TCERG1L: variants seen among roughly 807,000 people sequenced by gnomAD.
TCERG1L encodes the protein transcription elongation regulator 1 like, also known as transcription elongation regulator 1-like protein.
TCERG1L carries 37 observed loss-of-function variants against 56.3 expected under a neutral mutation model. That is an observed-to-expected ratio of 0.66 (90% CI 0.51 to 0.87). The LOEUF (loss-of-function observed/expected upper bound fraction) is 0.87. Among genes scored for constraint, TCERG1L ranks in the 40% least tolerant of loss-of-function variants. TCERG1L has a pLI of 0.00. For synonymous variants in TCERG1L, 324 were observed against 326.3 expected (o/e 0.99, Z 0.08); for missense variants, 799 against 774.2 (o/e 1.03, Z -0.38).
In TCERG1L at chr10:131,240,882, G is replaced by A. The variant is rs73398425; in HGVS notation, c.856+19377C>T. On this transcript the variant is annotated intron_variant, in intron 4 of 11. Coordinates refer to ENST00000368642, the MANE Select transcript of TCERG1L (RefSeq NM_174937.4). ...AGATAGGAGAGGTGGAGAAACCGGC[G>A]TGCAGGTCCCCTGCGAGGGGCTGCA... 5.0e-3 allele frequency among the ~76,000 whole-genome samples: 758 copies of A among 152,330 alleles called. 6 individuals are homozygous for A. The highest frequency in any genetic ancestry group is 0.018 in the African/African-American group (729 of 41,584).
intron 4 of TCERG1L, among the ~76,000 whole-genome samples, chr10:131,191,426 C>T (rs956163657): frequency 7.0e-6 from 1 of 143,710 alleles, no homozygotes; most frequent in South Asian, 2.1e-4. Flanking sequence ...ATACCCAAAG[C>T]AATCCTAAGC....
intron 2 of TCERG1L, among the ~76,000 whole-genome samples, chr10:131,308,875 A>T (rs1409828735): frequency 6.6e-6 from 1 of 152,230 alleles, no homozygotes; most frequent in African/African-American, 2.4e-5. Flanking sequence ...CAATGGATAC[A>T]AATTTAAAAA....
chr10:131,257,984 TA>T (rs1190996743), intron 4 of TCERG1L, among the ~76,000 whole-genome samples: 1 of 152,260 alleles, frequency 6.6e-6, no homozygotes, highest in Non-Finnish European at 1.5e-5. Context: ...TCAGTTTGAA[TA>T]TAGAGCAAAC....
At chr10:131,170,033 AT>A (rs748583704) in intron 4 of TCERG1L, among the ~76,000 whole-genome samples, 28 of 152,278 alleles carry the variant, frequency 1.8e-4, no homozygotes, top group Middle Eastern at 3.4e-3. Context: ...GTTGATGATC[AT>A]TTTAAAGCCC....
intron 8 of TCERG1L, among the ~76,000 whole-genome samples, chr10:131,133,167 T>A (rs1293642012): frequency 6.6e-6 from 1 of 152,180 alleles, no homozygotes; most frequent in Non-Finnish European, 1.5e-5. Flanking sequence ...CTGGGCCTGC[T>A]AGGTACCCTC....
chr10:131,130,941 A>G, intron 8 of TCERG1L, among the ~76,000 whole-genome samples: 1 of 152,054 alleles, frequency 6.6e-6, no homozygotes. Context: ...CACCATAAAT[A>G]TGGGGTAACT....
intron 6 of TCERG1L, 26 bp from the exon 7 acceptor site, chr10:131,146,686 A>G: frequency 6.3e-7 from 1 of 1,599,164 alleles, no homozygotes; most frequent in Non-Finnish European, 8.5e-7. Context: ...AACTCATCTC[A>G]GTCGCTCTCG....
intron 4 of TCERG1L, among the ~76,000 whole-genome samples, chr10:131,252,684 C>A (rs141652261): frequency 7.9e-5 from 12 of 152,340 alleles, no homozygotes; most frequent in African/African-American, 2.9e-4. Flanking sequence ...ACTCTCCCCA[C>A]TTCTGACAGC....
intron 4 of TCERG1L, among the ~76,000 whole-genome samples, chr10:131,238,092 C>A (rs1485200812): frequency 6.6e-6 from 1 of 152,188 alleles, no homozygotes; most frequent in African/African-American, 2.4e-5. Context: ...GCCCAATTAT[C>A]TTCCACCTCA....
rs946249963 is a variant in TCERG1L at position 131,116,950 on chromosome 10, A to T, written c.1260-16T>A. On this transcript the variant is annotated splice_polypyrimidine_tract_variant and intron_variant, in intron 8 of 11. Coordinates refer to ENST00000368642, the MANE Select transcript of TCERG1L (RefSeq NM_174937.4). ...GCCTTCGGTCCTTCAGGAACACAAG[A>T]CGCAGAGTTAGACACACTCGTGGGG... The T allele has an allele frequency of 6.2e-7, 1 of 1,604,304 alleles. No individual in the cohort carries two copies. The highest frequency in any genetic ancestry group is 8.5e-7 in the Non-Finnish European group (1 of 1,176,038).
At chr10:131,231,721 G>C (rs1476218620) in intron 4 of TCERG1L, among the ~76,000 whole-genome samples, 1 of 152,196 alleles carries the variant, frequency 6.6e-6, no homozygotes, top group African/African-American at 2.4e-5. Flanking sequence ...CCGGCACGTG[G>C]GGGGAAGTCA....
chr10:131,202,644 C>G (rs558504637), intron 4 of TCERG1L, among the ~76,000 whole-genome samples: 3 of 152,240 alleles, frequency 2.0e-5, no homozygotes, highest in South Asian at 2.1e-4. Flanking sequence ...CTTTAAGGTA[C>G]ACTGCTAAGT....
At position 131,092,908 on chromosome 10, in the gene TCERG1L, G is replaced by A. The variant is rs1244784835; in HGVS notation, c.*254C>T. The A allele has an allele frequency of 2.5e-6, 1 of 392,280 alleles. No homozygotes were observed. The highest frequency in any genetic ancestry group is 2.1e-5 in the African/African-American group (1 of 48,668). The allele number at this position is 392,280 out of a possible 1,614,324, so 24.3% of individuals were successfully genotyped here. ...GATTGATAATTTGTGTATATTACAA[G>A]TAATTTGCATAATTAAAACAATTAA... On this transcript the variant is annotated 3_prime_UTR_variant, in exon 12 of 12. Coordinates refer to ENST00000368642, the MANE Select transcript of TCERG1L (RefSeq NM_174937.4).
chr10:131,231,776 G>T (rs994600240), intron 4 of TCERG1L, among the ~76,000 whole-genome samples: 5 of 151,976 alleles, frequency 3.3e-5, no homozygotes, highest in African/African-American at 1.2e-4. Context: ...CTTCCACTTA[G>T]CAAAAAAAAG....
chr10:131,310,608 A>T (rs1291750298), intron 1 of TCERG1L, among the ~76,000 whole-genome samples: 2 of 152,212 alleles, frequency 1.3e-5, no homozygotes, highest in Non-Finnish European at 2.9e-5. Flanking sequence ...TGCACCATTT[A>T]TCAAAGGTTC....
chr10:131,108,967 T>C (rs545053654), intron 9 of TCERG1L, among the ~76,000 whole-genome samples: 1 of 152,178 alleles, frequency 6.6e-6, no homozygotes, highest in East Asian at 1.9e-4. Context: ...TCCCCCTGGC[T>C]AAGGCAGAGT....
At chr10:131,291,483 G>A (rs1846625655) in intron 3 of TCERG1L, among the ~76,000 whole-genome samples, 3 of 122,808 alleles carry the variant, frequency 2.4e-5, no homozygotes, top group Non-Finnish European at 3.2e-5. Context: ...TTGGAGTGCA[G>A]TGGCGTGATC....
chr10:131,263,721 G>C (rs1490953420), intron 3 of TCERG1L, among the ~76,000 whole-genome samples: 1 of 152,222 alleles, frequency 6.6e-6, no homozygotes, highest in Non-Finnish European at 1.5e-5. Flanking sequence ...GGTCCAAACA[G>C]TGTAAGCATG....
intron 11 of TCERG1L, among the ~76,000 whole-genome samples, chr10:131,096,364 A>G (rs1193446667): frequency 1.3e-5 from 2 of 152,338 alleles, no homozygotes; most frequent in South Asian, 2.1e-4. Flanking sequence ...TTAACAATGG[A>G]AAATCACAAG....
Sources: gnomAD v4.1 joint callset for allele counts (sites outside exome capture counted in the v4.1 genomes callset) on GRCh38, gnomAD v4.1.1 for gene constraint, MANE v1.5 for transcripts, NCBI Gene and HGNC (gene_info 2026-07-23, HGNC 2026-07-21) for gene names.